NME7: variants seen among roughly 807,000 people sequenced by gnomAD.
NME7 encodes the protein nucleoside diphosphate kinase 7.
A neutral mutation model predicts 49.1 loss-of-function variants in NME7; 41 were observed. That is an observed-to-expected ratio of 0.83 (90% CI 0.65 to 1.08). The LOEUF (loss-of-function observed/expected upper bound fraction) is 1.08, where lower values mean the gene tolerates loss of function less well. Ranked by LOEUF, NME7 falls within the 50% of genes least tolerant of loss-of-function variation. The probability of loss-of-function intolerance (pLI) is 0.00; values close to 1 mark genes in which losing one functional copy is unlikely to be tolerated. For synonymous variants in NME7, 139 were observed against 150.6 expected (o/e 0.92, Z 0.56); for missense variants, 423 against 463.4 (o/e 0.91, Z 0.80).
intron 7 of NME7, among the ~76,000 whole-genome samples, chr1:169,245,160 A>G (rs1648257744): frequency 6.6e-6 from 1 of 152,006 alleles, no homozygotes; most frequent in Non-Finnish European, 1.5e-5. Flanking sequence ...AAACAAATAA[A>G]CAGAAAATCA....
intron 1 of NME7, among the ~76,000 whole-genome samples, chr1:169,360,824 G>A (rs72702156): frequency 0.12 from 18,293 of 151,888 alleles, 1,152 homozygotes; most frequent in Admixed American, 0.14. Context: ...ATCATCATAT[G>A]AGGTCATCAT....
intron 10 of NME7, among the ~76,000 whole-genome samples, chr1:169,218,597 A>T (rs1345594909): frequency 1.3e-5 from 2 of 151,950 alleles, no homozygotes; most frequent in Non-Finnish European, 2.9e-5. Flanking sequence ...CAAACAAAGC[A>T]AAGCAAAGAA....
chr1:169,185,908 T>C (rs571894780), intron 10 of NME7, among the ~76,000 whole-genome samples: 1 of 152,286 alleles, frequency 6.6e-6, no homozygotes, highest in East Asian at 1.9e-4. Flanking sequence ...TTAGTATCCC[T>C]TACAGCATTC....
At chr1:169,208,375 G>A (rs1184627900) in intron 10 of NME7, among the ~76,000 whole-genome samples, 1 of 152,066 alleles carries the variant, frequency 6.6e-6, no homozygotes, top group Non-Finnish European at 1.5e-5. Flanking sequence ...TGGTGGGTTG[G>A]CTGACTGAAT....
intron 2 of NME7, among the ~76,000 whole-genome samples, chr1:169,323,696 C>T (rs142496796): frequency 1.4e-3 from 215 of 152,234 alleles, no homozygotes; most frequent in African/African-American, 4.9e-3. Flanking sequence ...ACAGAAGTCT[C>T]TTAGCTTGAG....
chr1:169,203,492 A>G (rs988712512), intron 10 of NME7, among the ~76,000 whole-genome samples: 4 of 152,272 alleles, frequency 2.6e-5, no homozygotes, highest in African/African-American at 9.6e-5. Flanking sequence ...CACTGGTGAG[A>G]CTGCAACACC....
chr1:169,366,473 A>G (rs564891560), intron 1 of NME7, among the ~76,000 whole-genome samples: 2 of 152,328 alleles, frequency 1.3e-5, no homozygotes, highest in South Asian at 2.1e-4. Flanking sequence ...TGCTTTATTT[A>G]ATTTTCATAA....
At chr1:169,355,579 A>C (rs1653442079) in intron 1 of NME7, among the ~76,000 whole-genome samples, 1 of 151,092 alleles carries the variant, frequency 6.6e-6, no homozygotes, top group African/African-American at 2.4e-5. Flanking sequence ...GTTACTAAAT[A>C]AACCAAGCAG....
At chr1:169,220,975 T>C (rs10919099) in intron 10 of NME7, among the ~76,000 whole-genome samples, 46,656 of 152,030 alleles carry the variant, frequency 0.31, 7,741 homozygotes, top group Non-Finnish European at 0.39. Context: ...TGAATTCACC[T>C]TCCATTTTCT....
At chr1:169,239,031 C>T (rs1296434443) in intron 7 of NME7, among the ~76,000 whole-genome samples, 1 of 151,962 alleles carries the variant, frequency 6.6e-6, no homozygotes, top group African/African-American at 2.4e-5. Flanking sequence ...TTTATGTCAA[C>T]ACTGAGCGTC....
intron 1 of NME7, among the ~76,000 whole-genome samples, chr1:169,342,337 A>G (rs1010019963): frequency 6.6e-6 from 1 of 151,810 alleles, no homozygotes; most frequent in Non-Finnish European, 1.5e-5. Flanking sequence ...GCCTTCTGGC[A>G]TGATTGTAAG....
chr1:169,286,389 G>A (rs1204085754), intron 7 of NME7: 1 of 151,828 alleles, frequency 6.6e-6, no homozygotes, highest in Non-Finnish European at 1.5e-5. Flanking sequence ...ATATTATTTA[G>A]TATATTCTAG....
chr1:169,313,143 T>A (rs1417098938), intron 3 of NME7, among the ~76,000 whole-genome samples: 1 of 143,600 alleles, frequency 7.0e-6, no homozygotes, highest in South Asian at 2.2e-4. Flanking sequence ...TTGATATTTT[T>A]AAAAAATCTT....
At chr1:169,323,513 A>G (rs952275077) in intron 2 of NME7, among the ~76,000 whole-genome samples, 1 of 152,194 alleles carries the variant, frequency 6.6e-6, no homozygotes, top group African/African-American at 2.4e-5. Flanking sequence ...ATACTCTTAA[A>G]AACCTGAATA....
intron 7 of NME7, among the ~76,000 whole-genome samples, chr1:169,279,108 TCC>T (rs1227597271): frequency 6.6e-6 from 1 of 152,172 alleles, no homozygotes; most frequent in Non-Finnish European, 1.5e-5. Context: ...TGGGGGTGCC[TCC>T]CAGTTAGGCT....
Position 169,327,925 on chromosome 1 carries a change from G to A in NME7, c.4-3425C>T, listed in dbSNP as rs139527599. 1.3e-4 allele frequency among the ~76,000 whole-genome samples: 20 copies of A among 152,190 alleles called. No individual in the cohort carries two copies. The East Asian group carries it at 1.7e-3, about 13-fold the overall frequency. On this transcript the variant is annotated intron_variant, in intron 1 of 11. Transcript: ENST00000367811. ...TCTCAGTTCAAGAGTAAGTTTAAGCGTATGTTACCAAGCAAAATTGTACCT... is the reference window on the plus strand; with the variant it reads ...TCTCAGTTCAAGAGTAAGTTTAAGCATATGTTACCAAGCAAAATTGTACCT...
chr1:169,141,617 A>G (rs750251780), intron 11 of NME7, among the ~76,000 whole-genome samples: 2 of 152,256 alleles, frequency 1.3e-5, no homozygotes, highest in Non-Finnish European at 2.9e-5. Context: ...CTTTACAAGA[A>G]AAACAAACCA....
chr1:169,241,728 T>G (rs956717606), intron 7 of NME7, among the ~76,000 whole-genome samples: 3 of 151,778 alleles, frequency 2.0e-5, no homozygotes, highest in Non-Finnish European at 4.4e-5. Context: ...ACTCAGACTT[T>G]AAAAATCACA....
intron 3 of NME7, among the ~76,000 whole-genome samples, chr1:169,311,184 C>T (rs936866921): frequency 1.7e-4 from 26 of 151,796 alleles, no homozygotes; most frequent in African/African-American, 5.6e-4. Flanking sequence ...TTTGGGAGGC[C>T]GAGGCAGGCG....
Sources: gnomAD v4.1 joint callset for allele counts (sites outside exome capture counted in the v4.1 genomes callset) on GRCh38, gnomAD v4.1.1 for gene constraint, MANE v1.5 for transcripts, NCBI Gene and HGNC (gene_info 2026-07-23, HGNC 2026-07-21) for gene names.